MTCL2: variants seen among roughly 807,000 people sequenced by gnomAD.
MTCL2 encodes microtubule cross-linking factor 2.
chr20:36,808,707 C>T, the MTCL2 span: 1 of 1,605,282 alleles, frequency 6.2e-7, no homozygotes, highest in East Asian at 2.2e-5. Flanking sequence ...AGCTCAAACT[C>T]CCGCCTCAGG....
At chr20:36,851,006 A>G in the MTCL2 span, among the ~76,000 whole-genome samples, 1 of 152,092 alleles carries the variant, frequency 6.6e-6, no homozygotes, top group African/African-American at 2.4e-5. Flanking sequence ...TGGAAACGGC[A>G]AGGCTCTAGG....
At chr20:36,831,193 T>C in the MTCL2 span, among the ~76,000 whole-genome samples, 1 of 152,312 alleles carries the variant, frequency 6.6e-6, no homozygotes, top group Non-Finnish European at 1.5e-5. Flanking sequence ...TCTATGTACA[T>C]TGGGAACTAC....
the MTCL2 span, chr20:36,794,116 C>T: frequency 5.5e-5 from 86 of 1,551,330 alleles, 1 homozygote; most frequent in Middle Eastern, 8.3e-4. The surrounding 1 kb of genome is among the most constrained non-coding windows in gnomAD (Gnocchi z 5.4). Flanking sequence ...GCCCGGCCGC[C>T]GAGGGGCTGC....
At chr20:36,845,066 A>T in the MTCL2 span, among the ~76,000 whole-genome samples, 4 of 152,216 alleles carry the variant, frequency 2.6e-5, no homozygotes, top group Admixed American at 1.3e-4. Context: ...AACATAATCC[A>T]TGCATAATTA....
chr20:36,783,819 A>G, the MTCL2 span: 1 of 985,084 alleles, frequency 1.0e-6, no homozygotes. Context: ...CAATCCCCCC[A>G]CCCCAAAAAA....
chr20:36,824,571 G>C, the MTCL2 span, among the ~76,000 whole-genome samples: 1 of 152,100 alleles, frequency 6.6e-6, no homozygotes. Context: ...AAATGTTCTG[G>C]AATTAGATAA....
the MTCL2 span, chr20:36,781,317 C>A: frequency 3.9e-5 from 6 of 152,110 alleles, no homozygotes; most frequent in African/African-American, 9.7e-5. Flanking sequence ...GGGTGGATCA[C>A]CTGAGGTCAG....
chr20:36,849,060 C>CTTTGTTTTTTTTTTTTTTTTT, the MTCL2 span, among the ~76,000 whole-genome samples: 2 of 62,238 alleles, frequency 3.2e-5, no homozygotes, highest in Non-Finnish European at 5.4e-5. Context: ...AGTTGGTTTC[C>CTTTGTTTTTTTTTTTTTTTTT]TTTTTTTTTT....
the MTCL2 span, among the ~76,000 whole-genome samples, chr20:36,830,768 C>T: frequency 1.3e-5 from 2 of 152,216 alleles, no homozygotes; most frequent in Non-Finnish European, 2.9e-5. Flanking sequence ...GTCAACCTTA[C>T]AGGCCCGACA....
chr20:36,810,586 A>G, the MTCL2 span, among the ~76,000 whole-genome samples: 1 of 152,132 alleles, frequency 6.6e-6, no homozygotes, highest in Non-Finnish European at 1.5e-5. Flanking sequence ...AAACAAAACC[A>G]AAAACGCTAT....
the MTCL2 span, among the ~76,000 whole-genome samples, chr20:36,827,358 T>C: frequency 6.2e-3 from 669 of 108,406 alleles, 3 homozygotes; most frequent in Non-Finnish European, 9.6e-3. Context: ...TGGACCCCCC[T>C]TTTTTTTTTT....
the MTCL2 span, chr20:36,802,867 G>A: frequency 3.1e-5 from 49 of 1,578,738 alleles, no homozygotes; most frequent in Middle Eastern, 1.7e-4. Context: ...TGGCTTAGGC[G>A]GTTCTGCAGC....
At chr20:36,822,069 C>A in the MTCL2 span, among the ~76,000 whole-genome samples, 2,218 of 152,346 alleles carry the variant, frequency 0.015, 54 homozygotes, top group African/African-American at 0.051. Context: ...ACACTTCCCC[C>A]ACCTTATCTA....
the MTCL2 span, chr20:36,794,888 C>A: frequency 2.1e-6 from 1 of 475,278 alleles, no homozygotes; most frequent in Non-Finnish European, 3.8e-6. The surrounding 1 kb of genome is among the most constrained non-coding windows in gnomAD (Gnocchi z 5.4). Flanking sequence ...CCCATTTCAG[C>A]CTCCAGAGTA....
the MTCL2 span, chr20:36,863,427 G>A: frequency 9.6e-7 from 1 of 1,043,678 alleles, no homozygotes; most frequent in Non-Finnish European, 1.2e-6. This position sits in a 1 kb window ranked among gnomAD's most constrained non-coding sequence, Gnocchi z 6.2. Context: ...GACCCGGCGC[G>A]GCTCCGGCCG....
At chr20:36,782,249 T>C in the MTCL2 span, 2 of 152,138 alleles carry the variant, frequency 1.3e-5, no homozygotes, top group Non-Finnish European at 1.5e-5. Flanking sequence ...CCCTCTGGAA[T>C]ACACAAGGCT....
the MTCL2 span, among the ~76,000 whole-genome samples, chr20:36,860,854 G>C: frequency 2.0e-5 from 3 of 152,168 alleles, no homozygotes; most frequent in Non-Finnish European, 2.9e-5. Context: ...TGGAAATTAC[G>C]GTTCCATCTT....
At chr20:36,802,995 G>A in the MTCL2 span, 1 of 1,595,986 alleles carries the variant, frequency 6.3e-7, no homozygotes, top group Non-Finnish European at 8.5e-7. Context: ...CTCCATGACA[G>A]CGCTGTAGGA....
chr20:36,806,964 G>C, the MTCL2 span, among the ~76,000 whole-genome samples: 1 of 152,206 alleles, frequency 6.6e-6, no homozygotes, highest in South Asian at 2.1e-4. Context: ...TAGACTGTGT[G>C]GCCTGCAGGT....
Sources: allele counts gnomAD v4.1 joint callset (sites outside exome capture counted in the v4.1 genomes callset), GRCh38; gene constraint gnomAD v4.1.1; non-coding constraint Gnocchi (gnomAD v3.1); transcripts MANE v1.5; gene names NCBI Gene and HGNC (gene_info 2026-07-23, HGNC 2026-07-21).